Variants in PIK3R1 observed in about 807,000 individuals in gnomAD.
PIK3R1 encodes phosphoinositide-3-kinase regulatory subunit 1.
A neutral mutation model predicts 98.0 loss-of-function variants in PIK3R1; 29 were observed. That is an observed-to-expected ratio of 0.30 (90% CI 0.22 to 0.40). The LOEUF is 0.40. Ranked by LOEUF, PIK3R1 falls within the 10% of genes least tolerant of loss-of-function variation. The probability of loss-of-function intolerance (pLI) is 1.00; values close to 1 mark genes in which losing one functional copy is unlikely to be tolerated. For synonymous variants in PIK3R1, 282 were observed against 311.8 expected, an observed-to-expected ratio of 0.90 and a Z score of 1.01; for missense variants, 596 against 872.7, an observed-to-expected ratio of 0.68 and a Z score of 3.99.
chr5:68,295,004 C>CAAAAA, intron 12 of PIK3R1, 144 bp from the exon 13 acceptor site: 1 of 382,090 alleles, frequency 2.6e-6, no homozygotes, highest in Non-Finnish European at 4.5e-6. Context: ...TGAGCCACTC[C>CAAAAA]AAAAAAAAAA....
rs1748031863 is a variant in PIK3R1 at position 68,301,344 on chromosome 5, A to C, written c.*3743A>C. Reference sequence around the variant, plus strand: ...AGCATTAGCTGCCCAGGATGCTGCTATATATATATATATATATATATATGT... The same window carrying C: ...AGCATTAGCTGCCCAGGATGCTGCTCTATATATATATATATATATATATGT... On this transcript the variant is annotated 3_prime_UTR_variant, in exon 16 of 16. Coordinates refer to ENST00000521381, the MANE Select transcript of PIK3R1 (RefSeq NM_181523.3). 2 of 24,108 alleles carry C rather than the reference A, an allele frequency of 8.3e-5. No individual in the cohort carries two copies. Among genetic ancestry groups the C allele is most frequent in the South Asian group, 1.9e-3 (1 of 518 alleles). 1.5% of individuals were successfully genotyped at this position (24,108 alleles called of 1,614,324 possible). A position where few individuals can be genotyped will look rare whatever the true frequency, so the allele number is the denominator to read the frequency against.
Position 68,263,164 on chromosome 5 carries a change from T to G in PIK3R1, c.335-10226T>G, listed in dbSNP as rs1210029044. Among the ~76,000 whole-genome samples, 24 of 146,882 alleles carry G rather than the reference T, an allele frequency of 1.6e-4. 1 individual carries two copies. The highest frequency in any genetic ancestry group is 1.5e-5 in the Non-Finnish European group (1 of 66,802). On this transcript the variant is annotated intron_variant, in intron 2 of 15. Coordinates refer to ENST00000521381, the MANE Select transcript of PIK3R1 (RefSeq NM_181523.3). ...ATATATTTATATATGTACATATATC[T>G]ACATATATATCTATATATACATATA...
At chr5:68,227,671 T>C (rs956860504) in intron 2 of PIK3R1, among the ~76,000 whole-genome samples, 24 of 152,238 alleles carry the variant, frequency 1.6e-4, no homozygotes, top group African/African-American at 5.1e-4. Context: ...TTTTATAACC[T>C]GGTATCTACC....
intron 2 of PIK3R1, among the ~76,000 whole-genome samples, chr5:68,248,754 T>C (rs1268562027): frequency 2.0e-5 from 3 of 152,206 alleles, no homozygotes; most frequent in Non-Finnish European, 4.4e-5. Flanking sequence ...CTATATGTTA[T>C]TTGTTTCAAT....
At chr5:68,246,101 G>A (rs572979317) in intron 2 of PIK3R1, among the ~76,000 whole-genome samples, 1 of 152,262 alleles carries the variant, frequency 6.6e-6, no homozygotes, top group South Asian at 2.1e-4. Context: ...GTCCCTTGAA[G>A]GATGTTTTCT....
At chr5:68,236,581 G>A (rs57071499) in intron 2 of PIK3R1, among the ~76,000 whole-genome samples, 2 of 152,152 alleles carry the variant, frequency 1.3e-5, no homozygotes, top group Non-Finnish European at 1.5e-5. Flanking sequence ...AAAACTGAAG[G>A]TCATGTGATT....
intron 1 of PIK3R1, among the ~76,000 whole-genome samples, chr5:68,221,766 C>T (rs1744099492): frequency 6.6e-6 from 1 of 152,094 alleles, no homozygotes. Context: ...CTGTGGATTG[C>T]TATTTGTCAA....
intron 2 of PIK3R1, among the ~76,000 whole-genome samples, chr5:68,260,317 TTGTC>T (rs926609529): frequency 1.1e-4 from 16 of 152,236 alleles, no homozygotes; most frequent in Non-Finnish European, 1.6e-4. Context: ...TTAAGCCCCT[TTGTC>T]TGTTTTATCC....
intron 2 of PIK3R1, among the ~76,000 whole-genome samples, chr5:68,236,281 G>T (rs559375706): frequency 1.3e-5 from 2 of 151,468 alleles, no homozygotes; most frequent in African/African-American, 4.9e-5. Context: ...ATGGAGTCTC[G>T]CTCTGTCGCC....
chr5:68,296,947 A>C (rs1580268295), intron 15 of PIK3R1, among the ~76,000 whole-genome samples: 2 of 152,218 alleles, frequency 1.3e-5, no homozygotes, highest in Non-Finnish European at 2.9e-5. Flanking sequence ...TACTGTGCAT[A>C]AGGGCACATG....
In PIK3R1 at chr5:68,300,549, G is replaced by A. The variant is rs1213466996; in HGVS notation, c.*2948G>A. 2 of 233,080 alleles carry A rather than the reference G, an allele frequency of 8.6e-6. No individual in the cohort carries two copies. The highest frequency in any genetic ancestry group is 1.2e-4 in the East Asian group (2 of 16,582). The allele number at this position is 233,080 out of a possible 1,614,324, so 14.4% of individuals were successfully genotyped here. ...CATTGGGACCTCACATTACACACAC[G>A]AGAGATCATAACCATGTGAAAAGGC... On this transcript the variant is annotated 3_prime_UTR_variant, in exon 16 of 16. Coordinates refer to ENST00000521381, the MANE Select transcript of PIK3R1 (RefSeq NM_181523.3).
At chr5:68,283,948 A>G (rs1746964015) in intron 7 of PIK3R1, among the ~76,000 whole-genome samples, 1 of 152,246 alleles carries the variant, frequency 6.6e-6, no homozygotes, top group Non-Finnish European at 1.5e-5. Context: ...CATGGGTCAC[A>G]TATAGTAAAC....
At chr5:68,244,515 G>GCCC (rs199696651) in intron 2 of PIK3R1, among the ~76,000 whole-genome samples, 1 of 11,800 alleles carries the variant, frequency 8.5e-5, no homozygotes, top group East Asian at 1.8e-3. Flanking sequence ...CTCTAGGACC[G>GCCC]CCCCCCCGCC....
At chr5:68,294,501 A>G in intron 11 of PIK3R1, 35 bp from the exon 12 acceptor site, 1 of 1,534,416 alleles carries the variant, frequency 6.5e-7, no homozygotes, top group Non-Finnish European at 8.9e-7. Context: ...GTTCTATGAA[A>G]GGTATGACAT....
chr5:68,293,677 C>G (rs1266610293), intron 10 of PIK3R1, 32 bp from the exon 11 acceptor site: 1 of 1,335,530 alleles, frequency 7.5e-7, no homozygotes, highest in Non-Finnish European at 1.0e-6. Context: ...GATTAAATAC[C>G]TTATCCATTG....
chr5:68,228,273 G>A, intron 2 of PIK3R1, among the ~76,000 whole-genome samples: 1 of 152,152 alleles, frequency 6.6e-6, no homozygotes, highest in East Asian at 1.9e-4. Context: ...CAGAGAAACA[G>A]AATGCAAGGG....
intron 2 of PIK3R1, among the ~76,000 whole-genome samples, chr5:68,244,669 T>G (rs1252707696): frequency 3.3e-5 from 5 of 152,100 alleles, no homozygotes; most frequent in Non-Finnish European, 7.4e-5. Context: ...ACTGAATAGT[T>G]AACTGGTTAT....
chr5:68,264,798 C>A (rs1746054025), intron 2 of PIK3R1, among the ~76,000 whole-genome samples: 1 of 152,146 alleles, frequency 6.6e-6, no homozygotes, highest in Non-Finnish European at 1.5e-5. Flanking sequence ...AGTTGTGGCT[C>A]ACATAATCCC....
At chr5:68,279,850 T>A (rs1025614789) in intron 5 of PIK3R1, 117 bp downstream of exon 5, 1 of 936,854 alleles carries the variant, frequency 1.1e-6, no homozygotes, top group African/African-American at 1.7e-5. Flanking sequence ...AACCTGTCCC[T>A]CCCCCAACAA....
Sources: allele counts gnomAD v4.1 joint callset (sites outside exome capture counted in the v4.1 genomes callset), GRCh38; gene constraint gnomAD v4.1.1; transcripts MANE v1.5; gene names NCBI Gene and HGNC (gene_info 2026-07-23, HGNC 2026-07-21).